CTNNA3: variants seen among roughly 807,000 people sequenced by gnomAD.
CTNNA3 encodes the protein catenin alpha 3.
Under a neutral mutation model 95.7 loss-of-function variants are expected in CTNNA3, and 76 were observed. The ratio of observed to expected loss-of-function variants is 0.79; its 90% CI spans 0.66 to 0.96. CTNNA3 has a LOEUF of 0.96. Ranked by LOEUF, CTNNA3 falls within the 40% of genes least tolerant of loss-of-function variation. The pLI is 0.00. For synonymous variants in CTNNA3, 431 were observed against 374.4 expected (o/e 1.15, Z -1.74); for missense variants, 1,191 against 1,089.8 (o/e 1.09, Z -1.31).
chr10:66,704,185 T>TCAGTATAAA (rs1292743272), intron 9 of CTNNA3, among the ~76,000 whole-genome samples: 2 of 152,162 alleles, frequency 1.3e-5, no homozygotes, highest in Non-Finnish European at 2.9e-5. Flanking sequence ...TTCATCACTT[T>TCAGTATAAA]CAGTATAAAA....
At chr10:66,043,134 GAAAAAA>G (rs60278132) in intron 15 of CTNNA3, among the ~76,000 whole-genome samples, 1 of 102,932 alleles carries the variant, frequency 9.7e-6, no homozygotes. Context: ...TCCGGGTAAT[GAAAAAA>G]AAAAAAAAAA....
chr10:66,455,388 A>G (rs1332874455), intron 11 of CTNNA3, among the ~76,000 whole-genome samples: 1 of 152,144 alleles, frequency 6.6e-6, no homozygotes, highest in Non-Finnish European at 1.5e-5. Flanking sequence ...TCGTCAACCC[A>G]ATGGAGTGCA....
chr10:66,293,176 T>C (rs2091715256), intron 12 of CTNNA3, among the ~76,000 whole-genome samples: 1 of 152,132 alleles, frequency 6.6e-6, no homozygotes, highest in South Asian at 2.1e-4. Context: ...TATAAAGCTT[T>C]TAAAAGGTTA....
At position 66,618,320 on chromosome 10, in the gene CTNNA3, G is replaced by C. The variant is rs1233506431; in HGVS notation, c.1374+3372C>G. 4.6e-5 allele frequency among the ~76,000 whole-genome samples: 7 copies of C among 152,020 alleles called. No individual in the cohort carries two copies. The East Asian group carries it at 1.4e-3, about 29-fold the overall frequency. On this transcript the variant is annotated intron_variant, in intron 10 of 17. Transcript: ENST00000433211. ...ACCTGACTTCAAACTATACTACAAG[G>C]CTACAGTAACCAAAACAGCAAGGTA...
At chr10:65,982,906 T>G (rs1225316407) in intron 16 of CTNNA3, among the ~76,000 whole-genome samples, 6 of 151,518 alleles carry the variant, frequency 4.0e-5, no homozygotes, top group Non-Finnish European at 5.9e-5. Context: ...CTCCAGAAGC[T>G]TCTCAGTAGT....
At chr10:67,056,793 G>A (rs1367950217) in intron 7 of CTNNA3, among the ~76,000 whole-genome samples, 2 of 152,168 alleles carry the variant, frequency 1.3e-5, no homozygotes, top group African/African-American at 4.8e-5. Flanking sequence ...ATCTGCTAGA[G>A]CAGGATGAAA....
At chr10:66,365,528 A>T (rs974356364) in intron 12 of CTNNA3, among the ~76,000 whole-genome samples, 1 of 152,218 alleles carries the variant, frequency 6.6e-6, no homozygotes, top group Admixed American at 6.5e-5. Flanking sequence ...CAGAACTTAA[A>T]GTATAATAAA....
At chr10:67,023,759 A>G (rs1853177349) in intron 7 of CTNNA3, among the ~76,000 whole-genome samples, 1 of 152,236 alleles carries the variant, frequency 6.6e-6, no homozygotes, top group Non-Finnish European at 1.5e-5. Context: ...AATTGCTGAA[A>G]CATGAATTGG....
intron 2 of CTNNA3, among the ~76,000 whole-genome samples, chr10:67,639,173 T>C (rs1245442252): frequency 2.0e-5 from 3 of 152,144 alleles, no homozygotes; most frequent in Non-Finnish European, 4.4e-5. Flanking sequence ...ATAAAGGGGA[T>C]ATCACCGCCA....
chr10:66,061,827 C>A (rs192585844), intron 15 of CTNNA3, among the ~76,000 whole-genome samples: 5 of 152,198 alleles, frequency 3.3e-5, no homozygotes, highest in African/African-American at 1.2e-4. Flanking sequence ...TGTGCTTATT[C>A]TCCACAAACT....
intron 7 of CTNNA3, among the ~76,000 whole-genome samples, chr10:66,857,574 T>G (rs527908872): frequency 6.6e-6 from 1 of 152,162 alleles, no homozygotes; most frequent in Non-Finnish European, 1.5e-5. Flanking sequence ...TATGTCATCT[T>G]TGATTTCTTT....
intron 15 of CTNNA3, among the ~76,000 whole-genome samples, chr10:66,055,655 G>A (rs1017902545): frequency 6.6e-6 from 1 of 152,082 alleles, no homozygotes; most frequent in Non-Finnish European, 1.5e-5. Context: ...CGGGCGTGAT[G>A]GCTTACGCCT....
At chr10:67,567,547 A>G (rs1252547035) in intron 3 of CTNNA3, among the ~76,000 whole-genome samples, 1 of 152,148 alleles carries the variant, frequency 6.6e-6, no homozygotes, top group Admixed American at 6.6e-5. Flanking sequence ...TATGTAATCT[A>G]TGCAAGTAAT....
intron 7 of CTNNA3, among the ~76,000 whole-genome samples, chr10:66,984,247 T>C (rs542949213): frequency 1.3e-5 from 2 of 152,310 alleles, no homozygotes; most frequent in South Asian, 4.1e-4. Context: ...ATTTCATTTA[T>C]TGTCAGGATT....
chr10:67,660,053 A>C (rs568852632), intron 1 of CTNNA3, among the ~76,000 whole-genome samples: 10 of 152,340 alleles, frequency 6.6e-5, no homozygotes, highest in African/African-American at 2.4e-4. Context: ...TTAGGAAAAC[A>C]AATAGTATGT....
chr10:66,314,955 T>C (rs1413150560), intron 12 of CTNNA3, among the ~76,000 whole-genome samples: 1 of 152,098 alleles, frequency 6.6e-6, no homozygotes, highest in Non-Finnish European at 1.5e-5. Flanking sequence ...TGACAGTTCT[T>C]AGAAAGAAAC....
chr10:67,330,469 G>T (rs1411482413), intron 5 of CTNNA3, among the ~76,000 whole-genome samples: 1 of 152,210 alleles, frequency 6.6e-6, no homozygotes, highest in African/African-American at 2.4e-5. Flanking sequence ...GATTGGCACA[G>T]TGACTGACAC....
chr10:66,397,155 A>C (rs555072318), intron 11 of CTNNA3, among the ~76,000 whole-genome samples: 1 of 151,826 alleles, frequency 6.6e-6, no homozygotes, highest in African/African-American at 2.4e-5. Flanking sequence ...TAGTGGCATT[A>C]TGAGTAGTTT....
chr10:66,884,924 A>T (rs372820921), intron 7 of CTNNA3, among the ~76,000 whole-genome samples: 8 of 152,160 alleles, frequency 5.3e-5, no homozygotes, highest in African/African-American at 1.9e-4. Flanking sequence ...AAGGAGGGTC[A>T]TAAGTTATTT....
Sources: gnomAD v4.1 joint callset for allele counts (sites outside exome capture counted in the v4.1 genomes callset) on GRCh38, gnomAD v4.1.1 for gene constraint, MANE v1.5 for transcripts, NCBI Gene and HGNC (gene_info 2026-07-23, HGNC 2026-07-21) for gene names.